The following HCFC1 variants were observed in gnomAD, a reference collection of about 807,000 sequenced individuals.
HCFC1 encodes the protein host cell factor 1.
In HCFC1, 7 loss-of-function variants were observed where a neutral mutation model predicts 105.5. The observed-to-expected ratio is 0.07, with a 90% CI of 0.04 to 0.12. HCFC1 has a LOEUF of 0.12. Among genes scored for constraint, HCFC1 ranks in the 10% least tolerant of loss-of-function variants. The pLI, the probability that HCFC1 is intolerant of heterozygous loss-of-function variation, is 1.00. For synonymous variants in HCFC1, 918 were observed against 828.1 expected, an observed-to-expected ratio of 1.11 and a Z score of -1.86; for missense variants, 1,065 against 1,823.6, an observed-to-expected ratio of 0.58 and a Z score of 7.58.
At position 153,951,687 on chromosome X, in the gene HCFC1, A is replaced by G; in HGVS notation, c.5281T>C (p.Phe1761Leu). 8.3e-7 allele frequency: 1 copy of G among 1,209,152 alleles called. No individual in the cohort carries two copies. The highest frequency in any genetic ancestry group is 3.0e-5 in the East Asian group (1 of 33,817). ...ACCACAACCGGCTGGGGGGCCACAA[A>G]TGTGTTGGATGGAGCCAGGCCTAGG... Reference protein sequence around the residue: ...ATESLAPSNTFVAPQPVVVAS... With the variant: ...ATESLAPSNTLVAPQPVVVAS... Residue 1761 changes from phenylalanine (F) to leucine (L), a missense_variant, in exon 21 of 26, where the codon TTT becomes CTT. Physicochemically the swap from Phe to Leu is conservative, Grantham distance 22. Coordinates refer to ENST00000310441, the MANE Select transcript of HCFC1 (RefSeq NM_005334.3).
rs1301348425 is a variant in HCFC1, at chrX:153,949,135, C to T, written c.*212G>A. The T allele has an allele frequency of 2.6e-6, 1 of 381,184 alleles. No homozygotes were observed. The allele number at this position is 381,184 out of a possible 1,213,427, so 31.4% of individuals were successfully genotyped here. ...AAGCGCGCTCCTCTCTCTGCTTTCC[C>T]ATCTGCCTCTGCTTCCTCCCAACAG... On this transcript the variant is annotated 3_prime_UTR_variant, in exon 26 of 26. Transcript: ENST00000310441.
chrX:153,952,902 C>T lies in HCFC1; in HGVS notation c.4554G>A (p.Gln1518=). The change falls in exon 19 of 26, where the codon CAG becomes CAA. Residue 1518 remains glutamine, a synonymous_variant. Coordinates refer to ENST00000310441, the MANE Select transcript of HCFC1 (RefSeq NM_005334.3). ...PGPRQQLPPR[Q]LLQSASTALM... is the part of the protein sequence containing the mutation. ...GGGCTGTGGAAGCCGACTGCAGAAG[C>T]TGCCGTGGCGGCAGCTGCTGGCGAG... The T allele has an allele frequency of 8.5e-7, 1 of 1,181,656 alleles. No homozygotes were observed. Among genetic ancestry groups the T allele is most frequent in the Non-Finnish European group, 1.1e-6 (1 of 881,284 alleles).
At chrX:153,966,406 C>T (rs1489521021) in intron 1 of HCFC1, among the ~76,000 whole-genome samples, 4 of 112,462 alleles carry the variant, frequency 3.6e-5, no homozygotes, top group Non-Finnish European at 1.9e-5. Flanking sequence ...TAGAGCTCCC[C>T]TGCCATTTCC....
intron 18 of HCFC1, 145 bp downstream of exon 18, chrX:153,953,462 C>A: frequency 1.8e-6 from 1 of 554,528 alleles, no homozygotes; most frequent in East Asian, 3.5e-5. Context: ...CCGCAGCAGG[C>A]ACCGAGGCTG....
At chrX:153,951,301 G>A (rs1879585812) in intron 22 of HCFC1, 49 bp downstream of exon 22, 2 of 1,189,417 alleles carry the variant, frequency 1.7e-6, no homozygotes, top group East Asian at 3.0e-5. Context: ...TCAGGGTGGT[G>A]GAGCCAAGAC....
intron 14 of HCFC1, 64 bp downstream of exon 14, chrX:153,956,854 G>A: frequency 8.3e-7 from 1 of 1,203,314 alleles, no homozygotes; most frequent in Non-Finnish European, 1.1e-6. Flanking sequence ...GGGAGGACCT[G>A]CGTGGCGTGC....
At chrX:153,962,824 A>C (rs1022137437) in intron 4 of HCFC1, among the ~76,000 whole-genome samples, 1 of 111,619 alleles carries the variant, frequency 9.0e-6, no homozygotes, top group Non-Finnish European at 1.9e-5. Context: ...CGGCCCAAGC[A>C]GTCCCCGAAG....
intron 1 of HCFC1, among the ~76,000 whole-genome samples, chrX:153,966,879 G>A (rs1013264954): frequency 8.9e-6 from 1 of 112,651 alleles, no homozygotes; most frequent in Non-Finnish European, 1.9e-5. Context: ...CGTGGGGTCA[G>A]TGGGCAGCTT....
At chrX:153,950,565 G>A (rs782725801) in intron 23 of HCFC1, 22 bp from the exon 24 acceptor site, 18 of 1,140,614 alleles carry the variant, frequency 1.6e-5, no homozygotes, top group Non-Finnish European at 1.6e-5. Context: ...GGGGTCAGAA[G>A]GTCAACAGAA....
intron 1 of HCFC1, among the ~76,000 whole-genome samples, chrX:153,968,596 A>AATGAATATGCAGAGG (rs1569547036): frequency 2.7e-5 from 3 of 112,416 alleles, no homozygotes; most frequent in Non-Finnish European, 5.6e-5. Flanking sequence ...AAGGCAGGCT[A>AATGAATATGCAGAGG]CCCCTCTAAT....
At chrX:153,964,003 G>A in intron 3 of HCFC1, 121 bp downstream of exon 3, 2 of 564,988 alleles carry the variant, frequency 3.5e-6, no homozygotes, top group Admixed American at 4.6e-5. Context: ...TTACAACCCA[G>A]CACGAGAAAG....
rs58240020 is a variant in HCFC1, at chrX:153,949,011, A to AACGC, written c.*332_*335dup. 0.18 allele frequency: 27,694 copies of AACGC among 154,116 alleles called. 3,426 individuals carry two copies. Among genetic ancestry groups the AACGC allele is most frequent in the East Asian group, 0.73 (4,706 of 6,403 alleles). 12.7% of individuals were successfully genotyped at this position (154,116 alleles called of 1,213,427 possible). On this transcript the variant is annotated 3_prime_UTR_variant, in exon 26 of 26. Coordinates refer to ENST00000310441, the MANE Select transcript of HCFC1 (RefSeq NM_005334.3). ...GCCTGCCCCCGACCTGGCCCTCAGG[A>AACGC]ACGCACAGCCTTGGGAGGGCGGAGC...
chrX:153,953,905 G>T, intron 17 of HCFC1, 135 bp from the exon 18 acceptor site: 2 of 883,654 alleles, frequency 2.3e-6, no homozygotes, highest in Non-Finnish European at 3.1e-6. Flanking sequence ...ACCTCTGTCT[G>T]CTTCAGGTAC....
intron 1 of HCFC1, among the ~76,000 whole-genome samples, chrX:153,966,172 T>A (rs2065472388): frequency 8.9e-6 from 1 of 111,875 alleles, no homozygotes; most frequent in African/African-American, 3.3e-5. Flanking sequence ...ACCGCACCAC[T>A]GCATCCCGGC....
intron 16 of HCFC1, 84 bp from the exon 17 acceptor site, chrX:153,955,626 A>C: frequency 1.0e-6 from 1 of 976,861 alleles, no homozygotes; most frequent in Non-Finnish European, 1.4e-6. Context: ...GTCACCACAC[A>C]GGCTGGGACC....
chrX:153,955,108 G>T lies in HCFC1; in HGVS notation c.3291C>A (p.Asn1097Lys). The T allele has an allele frequency of 8.3e-7, 1 of 1,209,321 alleles. No individual in the cohort carries two copies. Among genetic ancestry groups the T allele is most frequent in the Non-Finnish European group, 1.1e-6 (1 of 894,679 alleles). ...TTGAGCAGCCATGCTGCCCGGCCAT[G>T]TTGGAGGTGGCGGTGGTGGCGGTGT... Reference protein sequence around the residue: ...TTNTATTATSNMAGQHGCSNP... With the variant: ...TTNTATTATSKMAGQHGCSNP... The change falls in exon 17 of 26, where the codon AAC (asparagine) becomes AAA (lysine). Residue 1097 changes from asparagine to lysine, a missense_variant. This residue lies in a region of HCFC1 where 546 missense variants were observed against 599.9 expected (regional missense o/e 0.91). Coordinates refer to ENST00000310441, the MANE Select transcript of HCFC1 (RefSeq NM_005334.3).
intron 18 of HCFC1, 145 bp downstream of exon 18, chrX:153,953,462 C>T (rs781857086): frequency 1.3e-4 from 71 of 553,062 alleles, no homozygotes; most frequent in Non-Finnish European, 1.9e-4. Context: ...CCGCAGCAGG[C>T]ACCGAGGCTG....
chrX:153,954,745 G>C lies in HCFC1; in HGVS notation c.3654C>G (p.Val1218=). The C allele has an allele frequency of 2.5e-6, 3 of 1,176,557 alleles. No individual in the cohort carries two copies. The highest frequency in any genetic ancestry group is 3.4e-6 in the Non-Finnish European group (3 of 878,209). Residue 1218 remains valine, a synonymous_variant, in exon 17 of 26, where the codon GTC becomes GTG. Coordinates refer to ENST00000310441, the MANE Select transcript of HCFC1 (RefSeq NM_005334.3). ...CCTTAATGCTTGGGCTGCTCAGCCT[G>C]ACTTTGCTGCTCAGAGGGGCCAACT... ...FVQLAPLSSK[V]RLSSPSIKDL...
At chrX:153,957,113 G>A in intron 13 of HCFC1, 53 bp from the exon 14 acceptor site, 2 of 1,156,579 alleles carry the variant, frequency 1.7e-6, no homozygotes, top group East Asian at 3.0e-5. Flanking sequence ...GGCTGCCCCT[G>A]CTGCCCCTAG....
Sources: gnomAD v4.1 joint callset for allele counts (sites outside exome capture counted in the v4.1 genomes callset) on GRCh38, gnomAD v4.1.1 for gene constraint, gnomAD v4.1.1 regional missense constraint, MANE v1.5 for transcripts, NCBI Gene and HGNC (gene_info 2026-07-23, HGNC 2026-07-21) for gene names.